Variants in UGT3A1 observed in about 807,000 individuals in gnomAD.
UGT3A1 encodes the protein UDP-glycosyltransferase 3A1.
Under a neutral mutation model 37.6 loss-of-function variants are expected in UGT3A1, and 40 were observed. That is an observed-to-expected ratio of 1.06 (90% CI 0.83 to 1.38). UGT3A1 has a LOEUF of 1.38. Among genes scored for constraint, UGT3A1 ranks in the 40% most tolerant of loss-of-function variants. The pLI is 0.00. For synonymous variants in UGT3A1, 256 were observed against 232.3 expected, an observed-to-expected ratio of 1.10 and a Z score of -0.93; for missense variants, 642 against 634.2, an observed-to-expected ratio of 1.01 and a Z score of -0.13.
intron 3 of UGT3A1, among the ~76,000 whole-genome samples, chr5:35,966,818 C>A (rs1739826638): frequency 6.6e-6 from 1 of 152,184 alleles, no homozygotes; most frequent in Non-Finnish European, 1.5e-5. Flanking sequence ...TATCATGTCA[C>A]TTCACATAAA....
At position 35,965,581 on chromosome 5, in the gene UGT3A1, G is replaced by A; in HGVS notation, c.648C>T (p.Asp216=). 6.2e-7 allele frequency: 1 copy of A among 1,614,196 alleles called. No homozygotes were observed. The highest frequency in any genetic ancestry group is 8.5e-7 in the Non-Finnish European group (1 of 1,180,030). ...TGGTGTTGTCAAATGTAGACTGCAT[G>A]TCCCATTGGCTCCTGGAGAAACTAA... ...MFFSFSRSQW[D]MQSTFDNTIK... The change falls in exon 4 of 7, where the codon GAC becomes GAT. Residue 216 remains aspartate (D), a synonymous_variant. Transcript: ENST00000274278.
Position 35,991,214 on chromosome 5 carries a change from T to A in UGT3A1, c.27A>T (p.Leu9=). The A allele has an allele frequency of 6.2e-7, 1 of 1,614,212 alleles. No individual in the cohort carries two copies. Among genetic ancestry groups the A allele is most frequent in the Non-Finnish European group, 8.5e-7 (1 of 1,180,032 alleles). MVGQRVLL[L]VAFLLSGVLL... is the part of the protein sequence containing the mutation. The stretch of plus-strand genomic sequence containing the variant: ...GGACCCCAGAAAGAAGGAAGGCCAC[T>A]AGAAGCAGCACCCGCTGCCCAACCA... Residue 9 remains leucine (L), a synonymous_variant, in exon 1 of 7, where the codon CTA becomes CTT. Transcript: ENST00000274278.
chr5:35,981,211 T>G (rs892321479), intron 2 of UGT3A1, among the ~76,000 whole-genome samples: 1 of 152,152 alleles, frequency 6.6e-6, no homozygotes, highest in African/African-American at 2.4e-5. Context: ...CAAAATGGCA[T>G]CATAGAATCA....
intron 2 of UGT3A1, among the ~76,000 whole-genome samples, chr5:35,978,751 C>A (rs1740401532): frequency 6.6e-6 from 1 of 152,100 alleles, no homozygotes; most frequent in South Asian, 2.1e-4. Context: ...CCAATAGTCC[C>A]CCATAGTCTT....
At chr5:35,986,050 A>G (rs1740716703) in intron 2 of UGT3A1, among the ~76,000 whole-genome samples, 1 of 152,198 alleles carries the variant, frequency 6.6e-6, no homozygotes, top group African/African-American at 2.4e-5. Context: ...CTGAATAGAC[A>G]TTTCTCAAAA....
At chr5:35,981,117 T>C (rs1224927826) in intron 2 of UGT3A1, among the ~76,000 whole-genome samples, 3 of 152,144 alleles carry the variant, frequency 2.0e-5, no homozygotes, top group Non-Finnish European at 2.9e-5. Context: ...GACCTGTTGC[T>C]TGGAGAAAAG....
At chr5:35,955,414 A>T in intron 6 of UGT3A1, 1 of 607,968 alleles carries the variant, frequency 1.6e-6, no homozygotes, top group South Asian at 2.0e-5. Context: ...TCATGTGTAT[A>T]TAATTTGTCG....
At chr5:35,992,911 T>C (rs897979534), upstream of UGT3A1, among the ~76,000 whole-genome samples, 20 of 152,092 alleles carry the variant, frequency 1.3e-4, no homozygotes, top group African/African-American at 4.3e-4. Flanking sequence ...GCGTCTCCCT[T>C]TTGGTTCCTA....
At chr5:35,982,604 A>C (rs1275700786) in intron 2 of UGT3A1, among the ~76,000 whole-genome samples, 6 of 152,210 alleles carry the variant, frequency 3.9e-5, no homozygotes, top group African/African-American at 1.4e-4. Context: ...TTTAGATTTA[A>C]AAGGCTCATA....
Position 35,955,634 on chromosome 5 carries a change from G to C in UGT3A1, c.1295+11C>G, listed in dbSNP as rs375449121. 146 of 1,614,018 alleles carry C rather than the reference G, an allele frequency of 9.0e-5. No homozygotes were observed. The highest frequency in any genetic ancestry group is 1.2e-4 in the Non-Finnish European group (142 of 1,179,988). On this transcript the variant is annotated intron_variant, in intron 6 of 6. Coordinates refer to ENST00000274278, the MANE Select transcript of UGT3A1 (RefSeq NM_152404.4). ...CAGCCTTAGTGACCACATGCTTAGA[G>C]AGCCACATACCTCTTGTCTTCTATG... is the stretch of plus-strand genomic sequence containing the variant.
At position 35,952,661 on chromosome 5, in the gene UGT3A1, A is replaced by G. The variant is rs1739219716; in HGVS notation, c.*1541T>C. ...GAATGAAATCATGGCTGTTGATTCA[A>G]CAGAAAACACAGGGAAGCATCCATG... On this transcript the variant is annotated 3_prime_UTR_variant, in exon 7 of 7. Coordinates refer to ENST00000274278, the MANE Select transcript of UGT3A1 (RefSeq NM_152404.4). 1 of 152,204 alleles carries G rather than the reference A, an allele frequency of 6.6e-6. No homozygotes were observed. Among genetic ancestry groups the G allele is most frequent in the African/African-American group, 2.4e-5 (1 of 41,432 alleles). The allele number at this position is 152,204 out of a possible 1,614,324, so 9.4% of individuals were successfully genotyped here.
chr5:35,959,275 CA>C (rs1185274077), intron 4 of UGT3A1, among the ~76,000 whole-genome samples: 9 of 151,994 alleles, frequency 5.9e-5, no homozygotes, highest in Non-Finnish European at 1.3e-4. Flanking sequence ...CAATTTTCAA[CA>C]AAAGATCACA....
chr5:35,980,966 G>T (rs1290802813), intron 2 of UGT3A1, among the ~76,000 whole-genome samples: 1 of 152,128 alleles, frequency 6.6e-6, no homozygotes. Flanking sequence ...CTCCTACCTA[G>T]TTACTAAAAA....
At chr5:35,962,909 A>T in intron 4 of UGT3A1, 1 of 702,968 alleles carries the variant, frequency 1.4e-6, no homozygotes, top group Non-Finnish European at 2.6e-6. Context: ...TACACTCCAG[A>T]GGAGAATAAG....
chr5:35,982,870 A>C (rs369160417), intron 2 of UGT3A1, among the ~76,000 whole-genome samples: 1 of 152,172 alleles, frequency 6.6e-6, no homozygotes, highest in Admixed American at 6.5e-5. Flanking sequence ...TCATGTGTGC[A>C]GATTTCCCCT....
chr5:35,973,432 A>T (rs1369612461), intron 2 of UGT3A1, among the ~76,000 whole-genome samples: 1 of 152,158 alleles, frequency 6.6e-6, no homozygotes, highest in African/African-American at 2.4e-5. Context: ...CACTAGACAG[A>T]GATTCTTGAT....
upstream of UGT3A1, chr5:35,991,422 T>G: frequency 1.4e-6 from 2 of 1,447,676 alleles, no homozygotes; most frequent in Non-Finnish European, 1.8e-6. Flanking sequence ...CCCTCCTCCC[T>G]GGGTGCATGC....
At chr5:35,957,095 G>T in intron 5 of UGT3A1, 93 bp downstream of exon 5, 2 of 1,015,206 alleles carry the variant, frequency 2.0e-6, no homozygotes, top group Non-Finnish European at 1.5e-6. Flanking sequence ...CTACTACGTA[G>T]GCTGATACAA....
intron 1 of UGT3A1, among the ~76,000 whole-genome samples, chr5:35,999,515 A>T (rs891365564): frequency 6.6e-6 from 1 of 152,172 alleles, no homozygotes; most frequent in African/African-American, 2.4e-5. Flanking sequence ...CAAGCAGGGG[A>T]ATACTTGACT....
Sources: allele counts gnomAD v4.1 joint callset (sites outside exome capture counted in the v4.1 genomes callset), GRCh38; gene constraint gnomAD v4.1.1; transcripts MANE v1.5; gene names NCBI Gene and HGNC (gene_info 2026-07-23, HGNC 2026-07-21).